Variants in SLIT3 observed in about 807,000 individuals in gnomAD.
SLIT3 encodes slit homolog 3 protein.
SLIT3 carries 68 observed loss-of-function variants against 184.0 expected under a neutral mutation model. The ratio of observed to expected loss-of-function variants is 0.37; its 90% CI spans 0.30 to 0.45. The LOEUF (loss-of-function observed/expected upper bound fraction) is 0.45. Ranked by LOEUF, SLIT3 falls within the 20% of genes least tolerant of loss-of-function variation. The pLI, the probability that SLIT3 is intolerant of heterozygous loss-of-function variation, is 1.00. For missense variants in SLIT3, 1,707 were observed against 2,026.0 expected, an observed-to-expected ratio of 0.84 and a Z score of 3.02; for synonymous variants, 831 against 828.6, an observed-to-expected ratio of 1.00 and a Z score of -0.05.
chr5:169,010,919 A>T (rs536727333), intron 4 of SLIT3, among the ~76,000 whole-genome samples: 9 of 152,196 alleles, frequency 5.9e-5, no homozygotes, highest in African/African-American at 1.9e-4. Flanking sequence ...CAAAAAAAAA[A>T]AAAAAAGCCT....
At chr5:169,197,776 T>A (rs969590884) in intron 3 of SLIT3, among the ~76,000 whole-genome samples, 2 of 151,950 alleles carry the variant, frequency 1.3e-5, no homozygotes, top group Non-Finnish European at 2.9e-5. Flanking sequence ...TCAAAACTCC[T>A]CAGCTTTCCT....
intron 2 of SLIT3, among the ~76,000 whole-genome samples, 176 bp downstream of exon 2, chr5:169,251,212 C>T (rs1765761708): frequency 6.6e-6 from 1 of 152,212 alleles, no homozygotes; most frequent in South Asian, 2.1e-4. Flanking sequence ...AGCATCTAGA[C>T]ACAGAATGTG....
At chr5:168,873,248 G>A (rs1581165729) in intron 5 of SLIT3, among the ~76,000 whole-genome samples, 1 of 152,090 alleles carries the variant, frequency 6.6e-6, no homozygotes, top group African/African-American at 2.4e-5. Flanking sequence ...GAGAGTTTCT[G>A]AATTTAAGCC....
intron 1 of SLIT3, among the ~76,000 whole-genome samples, chr5:169,298,188 T>C (rs1035399084): frequency 6.6e-6 from 1 of 152,072 alleles, no homozygotes. Context: ...GGCACCCCCA[T>C]GCACCCTGGC....
At chr5:168,892,254 T>C (rs1414719725) in intron 4 of SLIT3, among the ~76,000 whole-genome samples, 1 of 152,262 alleles carries the variant, frequency 6.6e-6, no homozygotes, top group Non-Finnish European at 1.5e-5. Context: ...ATTAATGAGA[T>C]GCTTTGCATT....
intron 21 of SLIT3, among the ~76,000 whole-genome samples, chr5:168,723,704 G>A (rs543477517): frequency 2.6e-5 from 4 of 152,268 alleles, no homozygotes; most frequent in Admixed American, 2.0e-4. Context: ...CTGCAACCTC[G>A]AGCTTCCCTG....
At chr5:169,169,928 G>A (rs1355810462) in intron 4 of SLIT3, among the ~76,000 whole-genome samples, 1 of 152,238 alleles carries the variant, frequency 6.6e-6, no homozygotes, top group Non-Finnish European at 1.5e-5. Context: ...TGGCCACAGA[G>A]CGCAAGTCCA....
intron 4 of SLIT3, among the ~76,000 whole-genome samples, chr5:169,006,603 TCTCA>T (rs1388904005): frequency 7.0e-4 from 104 of 148,646 alleles, no homozygotes; most frequent in African/African-American, 2.1e-3. Context: ...TCTCTCTCTC[TCTCA>T]CACACACACA....
intron 12 of SLIT3, among the ~76,000 whole-genome samples, chr5:168,775,361 A>T (rs1337237302): frequency 6.6e-6 from 1 of 152,016 alleles, no homozygotes; most frequent in Non-Finnish European, 1.5e-5. Context: ...CATTCCTCAG[A>T]CACACCAGAT....
chr5:169,134,620 G>A (rs1761432170), intron 4 of SLIT3, among the ~76,000 whole-genome samples: 1 of 152,158 alleles, frequency 6.6e-6, no homozygotes, highest in Admixed American at 6.5e-5. Flanking sequence ...GGCTGGGGGA[G>A]GGATAGCATT....
At chr5:169,002,108 G>T (rs536780035) in intron 4 of SLIT3, among the ~76,000 whole-genome samples, 42 of 152,118 alleles carry the variant, frequency 2.8e-4, no homozygotes, top group African/African-American at 1.0e-3. Flanking sequence ...GAGGTCAGGA[G>T]TTCGGGAACA....
intron 23 of SLIT3, among the ~76,000 whole-genome samples, chr5:168,716,223 C>T (rs1453634207): frequency 1.3e-5 from 2 of 152,150 alleles, no homozygotes; most frequent in Non-Finnish European, 2.9e-5. Flanking sequence ...GATCTGCCCA[C>T]CTCAGCCTCC....
chr5:168,676,463 G>A (rs548331026), intron 32 of SLIT3, among the ~76,000 whole-genome samples: 1 of 152,310 alleles, frequency 6.6e-6, no homozygotes, highest in Non-Finnish European at 1.5e-5. Flanking sequence ...GCCCTATGAA[G>A]GTAGAGCTAT....
In SLIT3 at chr5:168,878,490, T is replaced by C. The variant is rs75279755; in HGVS notation, c.485+4775A>G. On this transcript the variant is annotated intron_variant, in intron 5 of 35. Transcript: ENST00000519560. ...ATAGGGACTCTGCTCTGTAGCAGCT[T>C]CTGGTCACTTTATTGTTCCTGTTTG... Among the ~76,000 whole-genome samples, 656 of 152,310 alleles carry C rather than the reference T, an allele frequency of 4.3e-3. 2 individuals are homozygous for C. The highest frequency in any genetic ancestry group is 7.2e-3 in the Non-Finnish European group (487 of 68,032).
intron 5 of SLIT3, among the ~76,000 whole-genome samples, chr5:168,866,682 TA>T (rs1010757449): frequency 8.5e-4 from 130 of 152,338 alleles, no homozygotes; most frequent in African/African-American, 3.0e-3. Flanking sequence ...CAGATTAATG[TA>T]GATTCATATT....
In SLIT3 at chr5:169,153,853, G is replaced by A. The variant is rs541870930; in HGVS notation, c.413+39626C>T. Among the ~76,000 whole-genome samples, 43 of 152,196 alleles carry A rather than the reference G, an allele frequency of 2.8e-4. 1 individual carries two copies. In the Middle Eastern group the frequency reaches 0.01, roughly 36 times the overall value. ...TTATTGGCTGCAGATGTCTTCCTTC[G>A]GCCAGACTCCATCAAGGTGAACTAC... On this transcript the variant is annotated intron_variant, in intron 4 of 35. Coordinates refer to ENST00000519560, the MANE Select transcript of SLIT3 (RefSeq NM_003062.4).
intron 3 of SLIT3, among the ~76,000 whole-genome samples, chr5:169,223,481 GAT>G (rs1269183999): frequency 6.6e-6 from 1 of 152,208 alleles, no homozygotes; most frequent in Non-Finnish European, 1.5e-5. Flanking sequence ...AAACAAAAGT[GAT>G]AGAGACGTGC....
chr5:169,293,007 C>A (rs1286499748), intron 1 of SLIT3, among the ~76,000 whole-genome samples: 1 of 152,114 alleles, frequency 6.6e-6, no homozygotes, highest in Non-Finnish European at 1.5e-5. Flanking sequence ...TGGAAGGTCT[C>A]CTTCTAACTA....
At chr5:169,049,661 G>A (rs1040120316) in intron 4 of SLIT3, among the ~76,000 whole-genome samples, 2 of 152,170 alleles carry the variant, frequency 1.3e-5, no homozygotes, top group Admixed American at 1.3e-4. Context: ...CAGGATGCCG[G>A]GCGGCTTCTA....
Sources: gnomAD v4.1 joint callset for allele counts (sites outside exome capture counted in the v4.1 genomes callset) on GRCh38, gnomAD v4.1.1 for gene constraint, MANE v1.5 for transcripts, NCBI Gene and HGNC (gene_info 2026-07-23, HGNC 2026-07-21) for gene names.